Variants in PPP3CB observed in about 807,000 individuals in gnomAD.
PPP3CB encodes the protein serine/threonine-protein phosphatase 2B catalytic subunit beta isoform.
A neutral mutation model predicts 66.4 loss-of-function variants in PPP3CB; 8 were observed. That is an observed-to-expected ratio of 0.12 (90% confidence interval 0.07 to 0.22). The LOEUF is 0.22. Among genes scored for constraint, PPP3CB ranks in the 10% least tolerant of loss-of-function variants. PPP3CB has a pLI of 1.00. For missense variants in PPP3CB, 319 were observed against 642.5 expected (o/e 0.50, Z 5.44); for synonymous variants, 208 against 221.2 (o/e 0.94, Z 0.53).
intron 1 of PPP3CB, among the ~76,000 whole-genome samples, chr10:73,485,147 T>C (rs1354809405): frequency 6.6e-6 from 1 of 152,230 alleles, no homozygotes; most frequent in Non-Finnish European, 1.5e-5. Flanking sequence ...CAAACTGTTC[T>C]GTTGAAAATC....
intron 1 of PPP3CB, among the ~76,000 whole-genome samples, chr10:73,492,638 A>G (rs1021288611): frequency 6.6e-6 from 1 of 152,198 alleles, no homozygotes; most frequent in African/African-American, 2.4e-5. Flanking sequence ...AAGGGTATAT[A>G]CCATCTTGCT....
intron 9 of PPP3CB, among the ~76,000 whole-genome samples, chr10:73,462,495 C>A (rs1482496397): frequency 6.6e-6 from 1 of 152,050 alleles, no homozygotes; most frequent in African/African-American, 2.4e-5. Flanking sequence ...AAATCTCCAG[C>A]AGCACTCTGT....
At position 73,470,694 on chromosome 10, in the gene PPP3CB, A is replaced by G; in HGVS notation, c.975T>C (p.Asn325=). The change falls in exon 8 of 14, where the codon AAT becomes AAC. Residue 325 remains asparagine (N), a synonymous_variant. Transcript: ENST00000360663. ...FSAPNYLDVY[N]NKAAVLKYEN... The stretch of plus-strand genomic sequence containing the variant: ...TTATCAACAATATCTTACCTTTATT[A>G]TTGTAGACATCTAAGTAATTAGGTG... The G allele has an allele frequency of 6.5e-7, 1 of 1,543,992 alleles. No individual in the cohort carries two copies. The highest frequency in any genetic ancestry group is 8.8e-7 in the Non-Finnish European group (1 of 1,131,540).
chr10:73,461,237 A>C (rs1393542150), intron 9 of PPP3CB, among the ~76,000 whole-genome samples: 2 of 152,208 alleles, frequency 1.3e-5, no homozygotes, highest in African/African-American at 4.8e-5. Context: ...ACTTGAGCTC[A>C]GGTGTTCAAA....
chr10:73,441,262 G>T (rs541503751), intron 12 of PPP3CB, among the ~76,000 whole-genome samples: 1 of 152,162 alleles, frequency 6.6e-6, no homozygotes, highest in East Asian at 1.9e-4. Context: ...GAATTAGGAC[G>T]AACACTGAAT....
At chr10:73,439,489 A>G (rs569308394) in intron 13 of PPP3CB, among the ~76,000 whole-genome samples, 1 of 152,340 alleles carries the variant, frequency 6.6e-6, no homozygotes, top group South Asian at 2.1e-4. Flanking sequence ...GGGAAAAAAA[A>G]TCTGAGTAGC....
chr10:73,436,470 T>C lies in PPP3CB; in HGVS notation c.*1772A>G, dbSNP rs1377792366. ...TTTTTCTTATTGTTAGAACACCCAG[T>C]AAATTCCCAATACCACTATAACAAA... On this transcript the variant is annotated 3_prime_UTR_variant, in exon 14 of 14. Transcript: ENST00000360663. The C allele has an allele frequency of 6.6e-6, 1 of 152,094 alleles. No individual in the cohort carries two copies. The highest frequency in any genetic ancestry group is 1.5e-5 in the Non-Finnish European group (1 of 68,014). The allele number at this position is 152,094 out of a possible 1,614,324, so 9.4% of individuals were successfully genotyped here.
chr10:73,458,882 C>G (rs2056474441), intron 9 of PPP3CB, among the ~76,000 whole-genome samples: 1 of 151,636 alleles, frequency 6.6e-6, no homozygotes, highest in South Asian at 2.1e-4. Context: ...CCAGCCTGAC[C>G]AACATGGAGA....
In PPP3CB at chr10:73,491,969, AAAATAAAT is replaced by A. The variant is rs141837688; in HGVS notation, c.85+3828_85+3835del. ...GCAAGAAGAGCGAAACTCCATCTCAAAAATAAATAAATAAATAAATAAATAAATAAACA... is the reference window on the plus strand; with the variant it reads ...GCAAGAAGAGCGAAACTCCATCTCAAAAATAAATAAATAAATAAATAAACA... On this transcript the variant is annotated intron_variant, in intron 1 of 13. Transcript: ENST00000360663. Among the ~76,000 whole-genome samples the A allele has an allele frequency of 1.1e-4, 17 of 151,302 alleles. No homozygotes were observed. In the East Asian group the frequency reaches 1.8e-3, roughly 16 times the overall value.
At chr10:73,465,564 T>TA (rs371030890) in intron 9 of PPP3CB, among the ~76,000 whole-genome samples, 11 of 150,834 alleles carry the variant, frequency 7.3e-5, no homozygotes, top group South Asian at 4.2e-4. Flanking sequence ...TCTGTCTCTA[T>TA]AAAAAAAAAT....
intron 1 of PPP3CB, among the ~76,000 whole-genome samples, chr10:73,487,786 G>GTT (rs1191348668): frequency 7.1e-6 from 1 of 141,496 alleles, no homozygotes; most frequent in Non-Finnish European, 1.6e-5. Context: ...GCAAGTTTTT[G>GTT]TTTTTTTTTT....
At chr10:73,458,845 C>A (rs2056473618) in intron 9 of PPP3CB, among the ~76,000 whole-genome samples, 1 of 149,316 alleles carries the variant, frequency 6.7e-6, no homozygotes, top group South Asian at 2.1e-4. Context: ...TGAAGTGGGA[C>A]AATCACCTGA....
Position 73,446,592 on chromosome 10 carries a change from A to G in PPP3CB, c.1187-19T>C, listed in dbSNP as rs377683357. ...GCTGAACCTACTTTCAATGGAATAAATAGAGAGAAAGGCTCAAGTTTAGGG... is the reference window on the plus strand; with the variant it reads ...GCTGAACCTACTTTCAATGGAATAAGTAGAGAGAAAGGCTCAAGTTTAGGG... On this transcript the variant is annotated intron_variant, in intron 10 of 13. Coordinates refer to ENST00000360663, the MANE Select transcript of PPP3CB (RefSeq NM_021132.4). 1.1e-4 allele frequency: 184 copies of G among 1,606,526 alleles called. No individual in the cohort carries two copies. The highest frequency in any genetic ancestry group is 1.5e-4 in the Non-Finnish European group (173 of 1,173,376).
At chr10:73,481,093 G>C (rs371447009) in intron 1 of PPP3CB, among the ~76,000 whole-genome samples, 1 of 151,554 alleles carries the variant, frequency 6.6e-6, no homozygotes, top group African/African-American at 2.4e-5. Flanking sequence ...AAGTGAGAGA[G>C]AAATGTACAT....
intron 1 of PPP3CB, among the ~76,000 whole-genome samples, chr10:73,490,261 C>G (rs910914069): frequency 3.9e-5 from 6 of 152,202 alleles, no homozygotes; most frequent in South Asian, 2.1e-4. Context: ...CTCCTTTGAA[C>G]TGACAACTTG....
chr10:73,474,435 AT>A (rs201411246), intron 4 of PPP3CB, among the ~76,000 whole-genome samples: 93 of 149,398 alleles, frequency 6.2e-4, no homozygotes, highest in Middle Eastern at 3.5e-3. Context: ...ATGAAAAAAA[AT>A]TTTTTTTTTT....
intron 9 of PPP3CB, among the ~76,000 whole-genome samples, chr10:73,457,290 A>T (rs907552621): frequency 6.8e-6 from 1 of 146,830 alleles, no homozygotes; most frequent in South Asian, 2.2e-4. Context: ...AAAAAAAAAA[A>T]GCTAGTCATG....
intron 9 of PPP3CB, among the ~76,000 whole-genome samples, chr10:73,465,162 T>C (rs1476251038): frequency 1.3e-5 from 2 of 152,130 alleles, no homozygotes; most frequent in South Asian, 2.1e-4. Context: ...AATTGGTATA[T>C]AGGAAATTCA....
intron 9 of PPP3CB, among the ~76,000 whole-genome samples, chr10:73,457,410 T>C (rs1267620854): frequency 2.6e-5 from 4 of 151,338 alleles, no homozygotes. Context: ...CATTCTAGCC[T>C]AGATGATGGA....
Sources: gnomAD v4.1 joint callset for allele counts (sites outside exome capture counted in the v4.1 genomes callset) on GRCh38, gnomAD v4.1.1 for gene constraint, MANE v1.5 for transcripts, NCBI Gene and HGNC (gene_info 2026-07-23, HGNC 2026-07-21) for gene names.